CPPED1: variants seen among roughly 807,000 people sequenced by gnomAD.
CPPED1 encodes the protein calcineurin like phosphoesterase domain containing 1, also known as serine/threonine-protein phosphatase CPPED1.
In CPPED1, 28 loss-of-function variants were observed where a neutral mutation model predicts 28.0. The ratio of observed to expected loss-of-function variants is 1.00; its 90% CI spans 0.74 to 1.37. The LOEUF is 1.37. Ranked by LOEUF, CPPED1 falls within the 40% of genes most tolerant of loss-of-function variation. The pLI is 0.00. For missense variants in CPPED1, 504 were observed against 416.5 expected, an observed-to-expected ratio of 1.21 and a Z score of -1.83; for synonymous variants, 198 against 180.2, an observed-to-expected ratio of 1.10 and a Z score of -0.79.
chr16:12,752,781 G>C (rs1254662959), intron 2 of CPPED1, among the ~76,000 whole-genome samples: 1 of 147,726 alleles, frequency 6.8e-6, no homozygotes, highest in Non-Finnish European at 1.5e-5. Flanking sequence ...GGAGCTAGTA[G>C]AAATTATCTA....
chr16:12,780,531 G>C (rs1410461236), intron 2 of CPPED1, among the ~76,000 whole-genome samples: 1 of 152,080 alleles, frequency 6.6e-6, no homozygotes, highest in African/African-American at 2.4e-5. Context: ...TCTGGTTTCT[G>C]ACAAAAGGAT....
intron 2 of CPPED1, among the ~76,000 whole-genome samples, chr16:12,755,922 C>T (rs1009439581): frequency 1.3e-5 from 2 of 152,120 alleles, no homozygotes; most frequent in African/African-American, 4.8e-5. Flanking sequence ...CACCTGAGGT[C>T]AGGAGATGAC....
At chr16:12,692,435 T>C (rs1367480781) in intron 3 of CPPED1, among the ~76,000 whole-genome samples, 1 of 152,122 alleles carries the variant, frequency 6.6e-6, no homozygotes, top group Non-Finnish European at 1.5e-5. Flanking sequence ...TCAATAACCA[T>C]GATGATAAGA....
At chr16:12,732,357 A>C (rs1567289475) in intron 2 of CPPED1, among the ~76,000 whole-genome samples, 1 of 151,496 alleles carries the variant, frequency 6.6e-6, no homozygotes, top group East Asian at 1.9e-4. Context: ...AGTGAAAAAA[A>C]AAAAAGGAAA....
chr16:12,733,374 G>A (rs1014550059), intron 2 of CPPED1, among the ~76,000 whole-genome samples: 2 of 150,070 alleles, frequency 1.3e-5, no homozygotes, highest in Non-Finnish European at 2.9e-5. Flanking sequence ...TCCCAGATTC[G>A]AGAGATTCTC....
At chr16:12,691,164 A>G (rs1217760770) in intron 3 of CPPED1, among the ~76,000 whole-genome samples, 3 of 152,204 alleles carry the variant, frequency 2.0e-5, no homozygotes, top group Non-Finnish European at 4.4e-5. Flanking sequence ...GGGGAAGCCG[A>G]TTTGTCTCCC....
intron 2 of CPPED1, among the ~76,000 whole-genome samples, chr16:12,736,305 G>C (rs973493525): frequency 6.6e-6 from 1 of 151,446 alleles, no homozygotes; most frequent in Non-Finnish European, 1.5e-5. Context: ...GAGTGCAATG[G>C]CATGATCTTG....
At chr16:12,774,313 C>T (rs993464991) in intron 2 of CPPED1, among the ~76,000 whole-genome samples, 13 of 151,954 alleles carry the variant, frequency 8.6e-5, no homozygotes, top group African/African-American at 3.1e-4. Context: ...ACTAAAATTA[C>T]AAAAATTAGC....
Position 12,664,454 on chromosome 16 carries a change from A to T in CPPED1, c.*432T>A. Reference sequence around the variant, plus strand: ...CTTTGTTTTGCCTAGCGTTTTGGGAATCGTGACCACAATTTAATACAATCA... The same window carrying T: ...CTTTGTTTTGCCTAGCGTTTTGGGATTCGTGACCACAATTTAATACAATCA... On this transcript the variant is annotated 3_prime_UTR_variant, in exon 4 of 4. Coordinates refer to ENST00000381774, the MANE Select transcript of CPPED1 (RefSeq NM_018340.3). This position sits in a 1 kb window ranked among gnomAD's most constrained non-coding sequence, Gnocchi z 4.2. 9.9e-7 allele frequency: 1 copy of T among 1,008,502 alleles called. No homozygotes were observed. The highest frequency in any genetic ancestry group is 1.2e-6 in the Non-Finnish European group (1 of 845,376). 62.5% of individuals were successfully genotyped at this position (1,008,502 alleles called of 1,614,324 possible).
intron 2 of CPPED1, among the ~76,000 whole-genome samples, chr16:12,742,731 G>A (rs546742638): frequency 2.6e-5 from 4 of 152,214 alleles, no homozygotes; most frequent in African/African-American, 9.6e-5. Flanking sequence ...ATTATCAGTG[G>A]GGAAACGACA....
intron 3 of CPPED1, among the ~76,000 whole-genome samples, chr16:12,681,463 C>T (rs983013544): frequency 6.6e-6 from 1 of 152,136 alleles, no homozygotes; most frequent in African/African-American, 2.4e-5. Context: ...TATAAATTAC[C>T]CAGGCTCAGG....
intron 1 of CPPED1, among the ~76,000 whole-genome samples, chr16:12,791,024 C>T (rs1021303256): frequency 6.7e-6 from 1 of 150,106 alleles, no homozygotes; most frequent in Non-Finnish European, 1.5e-5. Context: ...AAATTCAACA[C>T]TTCCACAGGC....
rs564103856 is a variant in CPPED1, at chr16:12,688,576, G to A, written c.715+16048C>T. Reference sequence around the variant, plus strand: ...CTGGTCTCGAACTCCGACCTCAGGTGATCTGCTGCCTCGGCCTCCCAAAGT... The same window carrying A: ...CTGGTCTCGAACTCCGACCTCAGGTAATCTGCTGCCTCGGCCTCCCAAAGT... On this transcript the variant is annotated intron_variant, in intron 3 of 3. Transcript: ENST00000381774. Among the ~76,000 whole-genome samples the A allele has an allele frequency of 2.3e-3, 355 of 152,222 alleles. 2 individuals are homozygous for A. The highest frequency in any genetic ancestry group is 8.1e-3 in the African/African-American group (338 of 41,514).
At chr16:12,738,398 GATTGC>G in intron 2 of CPPED1, among the ~76,000 whole-genome samples, 1 of 152,038 alleles carries the variant, frequency 6.6e-6, no homozygotes, top group African/African-American at 2.4e-5. Context: ...AATGTCTTTT[GATTGC>G]ATATCTATTA....
At chr16:12,749,248 T>C (rs1427773286) in intron 2 of CPPED1, among the ~76,000 whole-genome samples, 1 of 152,246 alleles carries the variant, frequency 6.6e-6, no homozygotes, top group East Asian at 1.9e-4. Context: ...ACAATGCCAC[T>C]GCATTGTGAG....
At chr16:12,761,654 C>T (rs896916018) in intron 2 of CPPED1, among the ~76,000 whole-genome samples, 5 of 152,170 alleles carry the variant, frequency 3.3e-5, no homozygotes, top group African/African-American at 1.2e-4. Context: ...AATGGAACTA[C>T]ACTAGTAAAA....
intron 2 of CPPED1, among the ~76,000 whole-genome samples, chr16:12,740,025 GAAAGAAAAGA>G (rs143957219): frequency 3.6e-4 from 46 of 128,634 alleles, no homozygotes; most frequent in African/African-American, 5.6e-4. Context: ...AAAGACGAAA[GAAAGAAAAGA>G]AAAGAAAAGA....
intron 2 of CPPED1, among the ~76,000 whole-genome samples, chr16:12,732,850 T>C (rs1456343807): frequency 6.6e-6 from 1 of 152,188 alleles, no homozygotes; most frequent in Non-Finnish European, 1.5e-5. Context: ...GTGCAATTTC[T>C]TCTCCAGAAG....
chr16:12,792,577 GT>G (rs1269023792), intron 1 of CPPED1, among the ~76,000 whole-genome samples: 1 of 152,080 alleles, frequency 6.6e-6, no homozygotes, highest in Non-Finnish European at 1.5e-5. Flanking sequence ...TCCTGATATG[GT>G]TTGGCTGTGT....
Sources: allele counts gnomAD v4.1 joint callset (sites outside exome capture counted in the v4.1 genomes callset), GRCh38; gene constraint gnomAD v4.1.1; non-coding constraint Gnocchi (gnomAD v3.1); transcripts MANE v1.5; gene names NCBI Gene and HGNC (gene_info 2026-07-23, HGNC 2026-07-21).